Variants in CREB5 observed in about 807,000 individuals in gnomAD.
CREB5 encodes the protein cAMP responsive element binding protein 5, also known as cyclic AMP-responsive element-binding protein 5.
In CREB5, 19 loss-of-function variants were observed where a neutral mutation model predicts 57.1. That is an observed-to-expected ratio of 0.33 (90% CI 0.23 to 0.49). The LOEUF is 0.49. Among genes scored for constraint, CREB5 ranks in the 20% least tolerant of loss-of-function variants. The pLI is 0.99. For missense variants in CREB5, 579 were observed against 671.6 expected (o/e 0.86, Z 1.52); for synonymous variants, 238 against 238.3 (o/e 1.00, Z 0.01).
At position 28,413,015 on chromosome 7, in the gene CREB5, T is replaced by C. The variant is rs555249028; in HGVS notation, c.3+98T>C. On this transcript the variant is annotated intron_variant, in intron 1 of 10. Coordinates refer to ENST00000357727, the MANE Select transcript of CREB5 (RefSeq NM_182898.4). ...TATTTTCATAGATGGAATTCAGAAA[T>C]GGAGTTTAGATTTTGCACAAAATTT... 33 of 1,182,600 alleles carry C rather than the reference T, an allele frequency of 2.8e-5. 1 individual carries two copies. Among genetic ancestry groups the C allele is most frequent in the Non-Finnish European group, 3.6e-5 (32 of 878,034 alleles). The allele number at this position is 1,182,600 out of a possible 1,614,324, so 73.3% of individuals were successfully genotyped here. A position where few individuals can be genotyped will look rare whatever the true frequency, so the allele number is the denominator to read the frequency against.
intron 1 of CREB5, among the ~76,000 whole-genome samples, chr7:28,442,551 A>G (rs1277447095): frequency 6.6e-6 from 1 of 152,078 alleles, no homozygotes; most frequent in Admixed American, 6.6e-5. Context: ...TAATGGCTGT[A>G]CTAATTCACA....
chr7:28,374,822 A>G lies in CREB5; in HGVS notation c.-25+75381A>G, dbSNP rs561676075. Among the ~76,000 whole-genome samples, 45 of 152,298 alleles carry G rather than the reference A, an allele frequency of 3.0e-4. 1 individual carries two copies. In the South Asian group the frequency reaches 6.8e-3, roughly 23 times the overall value. ...TCATCCCTTTGGGAATATCCATCCC[A>G]GGTTCACCTCATGCCCAGGTAGCCC... On this transcript the variant is annotated intron_variant, in intron 1 of 9. Coordinates refer to the CREB5 transcript ENST00000396299.
chr7:28,311,345 T>C (rs1017249049), intron 1 of CREB5, among the ~76,000 whole-genome samples: 5 of 152,062 alleles, frequency 3.3e-5, no homozygotes, highest in Admixed American at 1.3e-4. Flanking sequence ...GGACCTATTT[T>C]CAAAGAACTG....
intron 7 of CREB5, among the ~76,000 whole-genome samples, chr7:28,745,263 G>A (rs1160249245): frequency 6.6e-6 from 1 of 152,208 alleles, no homozygotes; most frequent in Non-Finnish European, 1.5e-5. Flanking sequence ...TGTTAACACA[G>A]GCTGGGGGAA....
At chr7:28,382,544 T>C (rs1786986795) in intron 1 of CREB5, among the ~76,000 whole-genome samples, 1 of 152,162 alleles carries the variant, frequency 6.6e-6, no homozygotes. Flanking sequence ...ATAAAGTCTA[T>C]TGTTCATTGT....
chr7:28,462,765 G>A (rs1790400850), intron 1 of CREB5, among the ~76,000 whole-genome samples: 1 of 151,876 alleles, frequency 6.6e-6, no homozygotes, highest in African/African-American at 2.4e-5. Context: ...TAGGTTATTT[G>A]CTTTTTTATT....
At chr7:28,343,225 C>T (rs926750827) in intron 1 of CREB5, among the ~76,000 whole-genome samples, 3 of 152,232 alleles carry the variant, frequency 2.0e-5, no homozygotes, top group African/African-American at 7.2e-5. Context: ...CAGGCATGAG[C>T]CACTGCGCCT....
chr7:28,761,184 T>G (rs1458273840), intron 7 of CREB5, among the ~76,000 whole-genome samples: 2 of 152,192 alleles, frequency 1.3e-5, no homozygotes, highest in Non-Finnish European at 2.9e-5. Flanking sequence ...TGTAAATAAA[T>G]GAGCATATGC....
At chr7:28,644,134 A>AAAAAG (rs1372558692) in intron 5 of CREB5, among the ~76,000 whole-genome samples, 1 of 151,788 alleles carries the variant, frequency 6.6e-6, no homozygotes, top group Non-Finnish European at 1.5e-5. Context: ...GGAGAGAAAG[A>AAAAAG]AAAAGAAAAG....
At chr7:28,411,449 T>C (rs1787796412), upstream of CREB5, among the ~76,000 whole-genome samples, 1 of 150,128 alleles carries the variant, frequency 6.7e-6, no homozygotes, top group Non-Finnish European at 1.5e-5. Context: ...GGAAGTCGAA[T>C]ACGTAAGTCA....
chr7:28,523,913 T>A (rs1793315128), intron 4 of CREB5, among the ~76,000 whole-genome samples: 1 of 152,196 alleles, frequency 6.6e-6, no homozygotes, highest in East Asian at 1.9e-4. Flanking sequence ...TTTTGATATT[T>A]GCTGAAACTG....
At chr7:28,741,927 G>T (rs754515399) in intron 7 of CREB5, among the ~76,000 whole-genome samples, 2 of 151,780 alleles carry the variant, frequency 1.3e-5, no homozygotes, top group Non-Finnish European at 2.9e-5. Context: ...TTAGCCAGGC[G>T]TGGTGGTGTG....
intron 1 of CREB5, among the ~76,000 whole-genome samples, chr7:28,460,700 A>G (rs1449385946): frequency 1.3e-5 from 2 of 152,150 alleles, no homozygotes; most frequent in African/African-American, 4.8e-5. Flanking sequence ...TAAGAAAAAC[A>G]TCATTAGTAG....
intron 4 of CREB5, among the ~76,000 whole-genome samples, chr7:28,531,521 C>T (rs145278945): frequency 7.6e-4 from 116 of 152,282 alleles, no homozygotes; most frequent in Middle Eastern, 6.8e-3. Context: ...TACCCTCCTC[C>T]GGAATGACCT....
chr7:28,543,757 C>A (rs1794306204), intron 4 of CREB5, among the ~76,000 whole-genome samples: 1 of 151,754 alleles, frequency 6.6e-6, no homozygotes, highest in Admixed American at 6.6e-5. Flanking sequence ...AACAGCAGGG[C>A]ATTCTGCAAA....
chr7:28,408,119 G>T (rs1787626832), upstream of CREB5, among the ~76,000 whole-genome samples: 1 of 152,184 alleles, frequency 6.6e-6, no homozygotes, highest in African/African-American at 2.4e-5. Flanking sequence ...TGAAAACAGG[G>T]ATTGAGTTGG....
chr7:28,317,970 T>G (rs1285713846), intron 1 of CREB5, among the ~76,000 whole-genome samples: 1 of 152,220 alleles, frequency 6.6e-6, no homozygotes, highest in African/African-American at 2.4e-5. Context: ...TTAAAGCTCT[T>G]TAAGTCCTTT....
chr7:28,424,005 C>A (rs185752747), intron 1 of CREB5, among the ~76,000 whole-genome samples: 3 of 152,288 alleles, frequency 2.0e-5, no homozygotes, highest in African/African-American at 4.8e-5. Flanking sequence ...AGTCAGAAAT[C>A]TAGGTATTGG....
chr7:28,356,889 G>A (rs1040937162), intron 1 of CREB5, among the ~76,000 whole-genome samples: 3 of 152,200 alleles, frequency 2.0e-5, no homozygotes, highest in Admixed American at 1.3e-4. Flanking sequence ...AACTGACAGT[G>A]TGTCTCCTTT....
Sources: allele counts gnomAD v4.1 joint callset (sites outside exome capture counted in the v4.1 genomes callset), GRCh38; gene constraint gnomAD v4.1.1; transcripts MANE v1.5; gene names NCBI Gene and HGNC (gene_info 2026-07-23, HGNC 2026-07-21).